Variants in RHPN2 observed in about 807,000 individuals in gnomAD.
The protein encoded by RHPN2 is rhophilin-2.
RHPN2 carries 40 observed loss-of-function variants against 79.0 expected under a neutral mutation model. That is an observed-to-expected ratio of 0.51 (90% CI 0.39 to 0.66). The LOEUF is 0.66. Among genes scored for constraint, RHPN2 ranks in the 30% least tolerant of loss-of-function variants. RHPN2 has a pLI of 0.00. For synonymous variants in RHPN2, 285 were observed against 363.5 expected (o/e 0.78, Z 2.46); for missense variants, 686 against 883.5 (o/e 0.78, Z 2.83).
At chr19:32,998,715 A>AG in intron 10 of RHPN2, among the ~76,000 whole-genome samples, 1 of 147,012 alleles carries the variant, frequency 6.8e-6, no homozygotes, top group Non-Finnish European at 1.5e-5. Flanking sequence ...AGAGAGAGAA[A>AG]GGAAAGAAGG....
At chr19:33,049,221 T>C (rs1456025288) in intron 1 of RHPN2, among the ~76,000 whole-genome samples, 1 of 152,206 alleles carries the variant, frequency 6.6e-6, no homozygotes, top group Non-Finnish European at 1.5e-5. Context: ...TGGACAAGAC[T>C]GTCAGAAAGA....
In RHPN2 at chr19:33,031,701, G is replaced by T. The variant is rs1047084948; in HGVS notation, c.186-5069C>A. On this transcript the variant is annotated intron_variant, in intron 2 of 14. Coordinates refer to ENST00000254260, the MANE Select transcript of RHPN2 (RefSeq NM_033103.5). ...GCCTGGCTAACGTAGGTTTTTTGTG[G>T]GTGTGTGTGAGATGGAGTCGCCCAG... Among the ~76,000 whole-genome samples the T allele has an allele frequency of 2.6e-5, 4 of 151,778 alleles. No individual in the cohort carries two copies. In the South Asian group the frequency reaches 6.2e-4, roughly 24 times the overall value.
At chr19:33,029,317 G>A (rs1287593005) in intron 2 of RHPN2, among the ~76,000 whole-genome samples, 4 of 151,872 alleles carry the variant, frequency 2.6e-5, no homozygotes, top group African/African-American at 7.3e-5. Flanking sequence ...ACGAGGTCAG[G>A]AGATCGAGAC....
intron 14 of RHPN2, among the ~76,000 whole-genome samples, chr19:32,983,385 A>G (rs948674845): frequency 4.6e-5 from 7 of 151,724 alleles, no homozygotes; most frequent in South Asian, 2.1e-4. Context: ...GGTGGCGGGC[A>G]CCTGTAGTCC....
intron 2 of RHPN2, among the ~76,000 whole-genome samples, chr19:33,028,339 T>C (rs76314076): frequency 0.024 from 3,601 of 152,158 alleles, 158 homozygotes; most frequent in African/African-American, 0.083. Context: ...TGTTTCTTTG[T>C]AGAGATGGAG....
At position 33,048,830 on chromosome 19, in the gene RHPN2, C is replaced by T. The variant is rs982381263; in HGVS notation, c.70-4466G>A. On this transcript the variant is annotated intron_variant, in intron 1 of 14. Transcript: ENST00000254260. The stretch of plus-strand genomic sequence containing the variant: ...TCCTTTCCACTTCCAAAAATGACGA[C>T]GATTCAGTTTGACTCTGAATTACCT... Among the ~76,000 whole-genome samples, 5 of 151,226 alleles carry T rather than the reference C, an allele frequency of 3.3e-5. No individual in the cohort carries two copies. The East Asian group carries it at 7.8e-4, about 24-fold the overall frequency.
intron 1 of RHPN2, among the ~76,000 whole-genome samples, chr19:33,048,906 C>A (rs543415478): frequency 6.6e-6 from 1 of 152,198 alleles, no homozygotes; most frequent in African/African-American, 2.4e-5. Flanking sequence ...ATAACTAATT[C>A]CTTTACGTAC....
intron 1 of RHPN2, among the ~76,000 whole-genome samples, chr19:33,047,560 C>A (rs1242055250): frequency 4.6e-5 from 7 of 152,116 alleles, no homozygotes; most frequent in African/African-American, 9.7e-5. Flanking sequence ...AGCGGTCTGG[C>A]GGGTAGTATT....
chr19:32,998,552 C>A (rs1194004959), intron 10 of RHPN2, among the ~76,000 whole-genome samples: 1 of 151,884 alleles, frequency 6.6e-6, no homozygotes, highest in Non-Finnish European at 1.5e-5. Flanking sequence ...GAGGCTGAGG[C>A]AGGAAGATCA....
intron 1 of RHPN2, 77 bp from the exon 2 acceptor site, chr19:33,044,441 T>C (rs1239648351): frequency 2.2e-6 from 2 of 909,702 alleles, no homozygotes; most frequent in Non-Finnish European, 3.6e-6. Flanking sequence ...TAATGGAAAA[T>C]GTTTAACTTT....
intron 12 of RHPN2, 108 bp from the exon 13 acceptor site, chr19:32,992,077 C>T: frequency 7.7e-7 from 1 of 1,292,754 alleles, no homozygotes; most frequent in Non-Finnish European, 1.1e-6. Flanking sequence ...TGGCCTTGTT[C>T]AGGGACAAAT....
At chr19:33,037,401 G>C (rs1467351102) in intron 2 of RHPN2, among the ~76,000 whole-genome samples, 1 of 152,150 alleles carries the variant, frequency 6.6e-6, no homozygotes, top group Admixed American at 6.5e-5. Context: ...CCAGTTAAGA[G>C]AATAAAAGCA....
chr19:32,984,351 A>T (rs1475740191), intron 14 of RHPN2, among the ~76,000 whole-genome samples: 1 of 152,174 alleles, frequency 6.6e-6, no homozygotes, highest in African/African-American at 2.4e-5. Flanking sequence ...AATAATTTTT[A>T]AAAAATTATT....
At chr19:33,055,460 T>C (rs1003400195) in intron 1 of RHPN2, among the ~76,000 whole-genome samples, 1 of 151,768 alleles carries the variant, frequency 6.6e-6, no homozygotes, top group Admixed American at 6.6e-5. Context: ...CCTCTCCACC[T>C]GGGAATTGAC....
chr19:33,030,583 A>G (rs781635245), intron 2 of RHPN2, among the ~76,000 whole-genome samples: 14 of 151,918 alleles, frequency 9.2e-5, no homozygotes, highest in Non-Finnish European at 2.1e-4. Flanking sequence ...ACAGAGCAAG[A>G]CTCCATCACA....
At chr19:32,990,112 A>G (rs796228977) in intron 14 of RHPN2, among the ~76,000 whole-genome samples, 15 of 143,594 alleles carry the variant, frequency 1.0e-4, no homozygotes, top group African/African-American at 3.7e-4. Context: ...CTCAAAAAAA[A>G]AATAAAATTA....
chr19:33,018,338 A>G (rs952102721), intron 4 of RHPN2, among the ~76,000 whole-genome samples: 4 of 150,262 alleles, frequency 2.7e-5, no homozygotes, highest in African/African-American at 9.8e-5. Context: ...CAAAAAAAAA[A>G]GAGAGAGAGA....
At chr19:33,045,001 C>T (rs920202794) in intron 1 of RHPN2, among the ~76,000 whole-genome samples, 1 of 152,068 alleles carries the variant, frequency 6.6e-6, no homozygotes, top group Non-Finnish European at 1.5e-5. Context: ...GACAGAAAGG[C>T]ACCCACACCC....
In RHPN2 at chr19:33,043,900, T is replaced by C. The variant is rs185477263; in HGVS notation, c.185+349A>G. Among the ~76,000 whole-genome samples the C allele has an allele frequency of 6.6e-5, 10 of 152,240 alleles. No individual in the cohort carries two copies. In the East Asian group the frequency reaches 1.9e-3, roughly 29 times the overall value. On this transcript the variant is annotated intron_variant, in intron 2 of 14. Coordinates refer to ENST00000254260, the MANE Select transcript of RHPN2 (RefSeq NM_033103.5). Reference sequence around the variant, plus strand: ...ATTCAATAAACATTTACCAAGCAAATTCTGCACCAGGCATAGTGTCAGGCA... The same window carrying C: ...ATTCAATAAACATTTACCAAGCAAACTCTGCACCAGGCATAGTGTCAGGCA...
Sources: allele counts gnomAD v4.1 joint callset (sites outside exome capture counted in the v4.1 genomes callset), GRCh38; gene constraint gnomAD v4.1.1; transcripts MANE v1.5; gene names NCBI Gene and HGNC (gene_info 2026-07-23, HGNC 2026-07-21).